Variants in RPTOR observed in about 807,000 individuals in gnomAD.
RPTOR encodes the protein regulatory associated protein of MTOR complex 1.
A neutral mutation model predicts 169.9 loss-of-function variants in RPTOR; 21 were observed. The observed-to-expected ratio is 0.12, with a 90% confidence interval of 0.09 to 0.18. RPTOR has a LOEUF of 0.18. RPTOR is among the 10% of genes least tolerant of loss of function. RPTOR has a pLI of 1.00. For missense variants in RPTOR, 1,133 were observed against 1,855.9 expected (o/e 0.61, Z 7.16); for synonymous variants, 732 against 753.2 (o/e 0.97, Z 0.46).
At position 80,878,917 on chromosome 17, in the gene RPTOR, G is replaced by A. The variant is rs959452638; in HGVS notation, c.1510-1498G>A. ...AGAGCCGGCCTGTTTCCTCCAGGACGCCCACAGGACCCTCGGAAGCCCCTT... is the reference window on the plus strand; with the variant it reads ...AGAGCCGGCCTGTTTCCTCCAGGACACCCACAGGACCCTCGGAAGCCCCTT... On this transcript the variant is annotated intron_variant, in intron 13 of 33. Coordinates refer to ENST00000306801, the MANE Select transcript of RPTOR (RefSeq NM_020761.3). The surrounding 1 kb of genome is among the most constrained non-coding windows in gnomAD (Gnocchi z 4.1). Among the ~76,000 whole-genome samples the A allele has an allele frequency of 5.3e-5, 8 of 152,076 alleles. No individual in the cohort carries two copies. The highest frequency in any genetic ancestry group is 1.0e-4 in the Non-Finnish European group (7 of 68,004).
rs1308207168 is a variant in RPTOR, at chr17:80,633,107, T to G, written c.265+7314T>G. 6.6e-6 allele frequency among the ~76,000 whole-genome samples: 1 copy of G among 152,202 alleles called. No individual in the cohort carries two copies. Among genetic ancestry groups the G allele is most frequent in the Non-Finnish European group, 1.5e-5 (1 of 68,020 alleles). On this transcript the variant is annotated intron_variant, in intron 2 of 33. Coordinates refer to ENST00000306801, the MANE Select transcript of RPTOR (RefSeq NM_020761.3). This position sits in a 1 kb window ranked among gnomAD's most constrained non-coding sequence, Gnocchi z 4.1. ...GCTACCACACTAGGCCCATTTTTCA[T>G]TTTGAAAAAAAAGTTCCAAAAGTTG...
At chr17:80,666,227 ATAT>A (rs2065778110) in intron 3 of RPTOR, among the ~76,000 whole-genome samples, 2 of 150,194 alleles carry the variant, frequency 1.3e-5, no homozygotes, top group Non-Finnish European at 2.9e-5. Flanking sequence ...ATTATCTAAA[ATAT>A]TATTCTTCTC....
intron 28 of RPTOR, among the ~76,000 whole-genome samples, chr17:80,952,018 CA>C (rs1192102359): frequency 3.3e-5 from 5 of 152,218 alleles, no homozygotes; most frequent in Non-Finnish European, 7.3e-5. Context: ...GCCGGCTCGG[CA>C]CTCACCCAAT....
At chr17:80,604,655 A>G (rs2065215235) in intron 1 of RPTOR, among the ~76,000 whole-genome samples, 2 of 152,200 alleles carry the variant, frequency 1.3e-5, no homozygotes, top group Non-Finnish European at 2.9e-5. Flanking sequence ...ACAGTTCCTC[A>G]TGGCTGGGGA....
chr17:80,739,344 A>G (rs551373382), intron 5 of RPTOR, among the ~76,000 whole-genome samples: 3 of 152,272 alleles, frequency 2.0e-5, no homozygotes, highest in Non-Finnish European at 4.4e-5. Flanking sequence ...ATTCTCACCC[A>G]TCCTCTCCAG....
chr17:80,693,117 T>C (rs1387315987), intron 3 of RPTOR, among the ~76,000 whole-genome samples: 1 of 152,236 alleles, frequency 6.6e-6, no homozygotes, highest in African/African-American at 2.4e-5. Context: ...AGCTTCATTG[T>C]TTCCTCTAAA....
intron 20 of RPTOR, among the ~76,000 whole-genome samples, chr17:80,899,055 A>C (rs1399972474): frequency 6.6e-6 from 1 of 152,180 alleles, no homozygotes; most frequent in Non-Finnish European, 1.5e-5. Context: ...TGAAAGGTTC[A>C]CTACACAACA....
intron 3 of RPTOR, among the ~76,000 whole-genome samples, chr17:80,685,358 C>T (rs547882647): frequency 6.6e-6 from 1 of 151,884 alleles, no homozygotes; most frequent in East Asian, 1.9e-4. Context: ...TCACTACAGC[C>T]TCGACCTCCT....
At chr17:80,906,102 C>T (rs912989996) in intron 20 of RPTOR, among the ~76,000 whole-genome samples, 6 of 152,078 alleles carry the variant, frequency 3.9e-5, no homozygotes, top group Non-Finnish European at 5.9e-5. Flanking sequence ...TAGAGAGTGT[C>T]GTGGAGCTAG....
At chr17:80,923,078 G>T (rs2068766231) in intron 22 of RPTOR, among the ~76,000 whole-genome samples, 2 of 152,210 alleles carry the variant, frequency 1.3e-5, no homozygotes, top group South Asian at 4.1e-4. Context: ...AGCAAAAGTT[G>T]AATGAAGCCT....
chr17:80,769,080 T>C (rs866608971), intron 6 of RPTOR, among the ~76,000 whole-genome samples: 1 of 152,222 alleles, frequency 6.6e-6, no homozygotes, highest in Non-Finnish European at 1.5e-5. Context: ...TGCTGTCACA[T>C]AGACCTGTAT....
intron 21 of RPTOR, among the ~76,000 whole-genome samples, chr17:80,914,345 G>C (rs2068647452): frequency 6.6e-6 from 1 of 152,174 alleles, no homozygotes; most frequent in Admixed American, 6.5e-5. Context: ...TTGGGGGCCG[G>C]GAGCAGGCAG....
rs916854317 is a variant in RPTOR, at chr17:80,633,137, T to G, written c.265+7344T>G. 6.6e-5 allele frequency among the ~76,000 whole-genome samples: 10 copies of G among 152,140 alleles called. No individual in the cohort carries two copies. The highest frequency in any genetic ancestry group is 2.4e-4 in the African/African-American group (10 of 41,418). On this transcript the variant is annotated intron_variant, in intron 2 of 33. Transcript: ENST00000306801. This position sits in a 1 kb window ranked among gnomAD's most constrained non-coding sequence, Gnocchi z 4.1. ...AAAAAAAAGTTCCAAAAGTTGCAAGTATAGTACTAAGCTGTTTCCTTTCTG... is the reference window on the plus strand; with the variant it reads ...AAAAAAAAGTTCCAAAAGTTGCAAGGATAGTACTAAGCTGTTTCCTTTCTG...
At position 80,923,956 on chromosome 17, in the gene RPTOR, C is replaced by G. The variant is rs567777646; in HGVS notation, c.2808+283C>G. 7 of 443,062 alleles carry G rather than the reference C, an allele frequency of 1.6e-5. No individual in the cohort carries two copies. The Admixed American group carries it at 2.8e-4, about 18-fold the overall frequency. The allele number at this position is 443,062 out of a possible 1,614,324, so 27.4% of individuals were successfully genotyped here. On this transcript the variant is annotated intron_variant, in intron 23 of 33. Coordinates refer to ENST00000306801, the MANE Select transcript of RPTOR (RefSeq NM_020761.3). Reference sequence around the variant, plus strand: ...GCTGGGTGTGTCCCGGTTCTCCGCCCCTGGTTCTGGTTTCACCATTCTGGG... The same window carrying G: ...GCTGGGTGTGTCCCGGTTCTCCGCCGCTGGTTCTGGTTTCACCATTCTGGG...
intron 7 of RPTOR, chr17:80,801,717 G>A (rs372250943): frequency 2.6e-5 from 4 of 152,266 alleles, no homozygotes; most frequent in East Asian, 1.9e-4. Flanking sequence ...ATTCATTAAC[G>A]TCTGCCAGTC....
chr17:80,943,150 T>TC (rs1275661072), intron 25 of RPTOR, among the ~76,000 whole-genome samples: 1 of 152,174 alleles, frequency 6.6e-6, no homozygotes, highest in East Asian at 1.9e-4. Context: ...GCCCGCAGAC[T>TC]CCGTGGCCCT....
At chr17:80,684,654 C>G (rs1399228715) in intron 3 of RPTOR, among the ~76,000 whole-genome samples, 1 of 152,034 alleles carries the variant, frequency 6.6e-6, no homozygotes, top group Non-Finnish European at 1.5e-5. Context: ...ACCGTGTTAG[C>G]CAGGATGGTC....
intron 5 of RPTOR, among the ~76,000 whole-genome samples, chr17:80,737,424 G>T (rs531818767): frequency 6.6e-6 from 1 of 152,140 alleles, no homozygotes; most frequent in Admixed American, 6.5e-5. Context: ...CCCACCACCA[G>T]CCTGAGTGCT....
chr17:80,630,380 T>A (rs1441439597), intron 2 of RPTOR, among the ~76,000 whole-genome samples: 1 of 152,214 alleles, frequency 6.6e-6, no homozygotes, highest in African/African-American at 2.4e-5. Context: ...CACTCTTAGT[T>A]CTTAGAGTGA....
Sources: allele counts gnomAD v4.1 joint callset (sites outside exome capture counted in the v4.1 genomes callset), GRCh38; gene constraint gnomAD v4.1.1; non-coding constraint Gnocchi (gnomAD v3.1); transcripts MANE v1.5; gene names NCBI Gene and HGNC (gene_info 2026-07-23, HGNC 2026-07-21).